The following PTPRN2 variants were observed in gnomAD, a reference collection of about 807,000 sequenced individuals.
PTPRN2 encodes protein tyrosine phosphatase receptor type N2.
Under a neutral mutation model 118.8 loss-of-function variants are expected in PTPRN2, and 74 were observed. That is an observed-to-expected ratio of 0.62 (90% CI 0.52 to 0.76). The LOEUF (loss-of-function observed/expected upper bound fraction) is 0.76, where lower values mean the gene tolerates loss of function less well. PTPRN2 is among the 30% of genes least tolerant of loss of function. PTPRN2 has a pLI of 0.00. For synonymous variants in PTPRN2, 641 were observed against 608.0 expected, an observed-to-expected ratio of 1.05 and a Z score of -0.80; for missense variants, 1,481 against 1,394.4, an observed-to-expected ratio of 1.06 and a Z score of -0.99.
intron 12 of PTPRN2, among the ~76,000 whole-genome samples, chr7:157,790,162 G>A (rs1224488054): frequency 2.1e-5 from 3 of 141,566 alleles, no homozygotes; most frequent in Non-Finnish European, 4.6e-5. Context: ...TGTGAATGTG[G>A]TGTGTGTGGT....
At chr7:157,844,731 G>A (rs539568630) in intron 12 of PTPRN2, among the ~76,000 whole-genome samples, 8 of 152,286 alleles carry the variant, frequency 5.3e-5, no homozygotes, top group Admixed American at 1.3e-4. Flanking sequence ...TCCCGGCAAC[G>A]TACCCGGCAC....
chr7:158,500,492 G>A (rs556872812), intron 1 of PTPRN2, among the ~76,000 whole-genome samples: 1 of 152,340 alleles, frequency 6.6e-6, no homozygotes, highest in East Asian at 1.9e-4. Context: ...GGCAGCTCTG[G>A]AGGGCACAGG....
intron 3 of PTPRN2, among the ~76,000 whole-genome samples, chr7:158,244,324 G>A (rs1031797040): frequency 2.0e-5 from 3 of 152,238 alleles, no homozygotes; most frequent in African/African-American, 7.2e-5. Context: ...AAGGTGAAAG[G>A]TCAAGGCAGT....
At chr7:158,429,137 C>A (rs993304915) in intron 2 of PTPRN2, among the ~76,000 whole-genome samples, 1 of 152,178 alleles carries the variant, frequency 6.6e-6, no homozygotes, top group African/African-American at 2.4e-5. Flanking sequence ...CGGATCCAAC[C>A]GATGTGTTTC....
chr7:158,109,758 CCT>C (rs1816055313), intron 10 of PTPRN2, among the ~76,000 whole-genome samples: 2 of 151,894 alleles, frequency 1.3e-5, no homozygotes, highest in African/African-American at 2.4e-5. Flanking sequence ...TGATATCACC[CCT>C]GTGTGAAGCG....
rs965818310 is a variant in PTPRN2 at position 157,609,616 on chromosome 7, C to G, written c.2345-5541G>C. Reference sequence around the variant, plus strand: ...CCACAGGGGAGCACAGGGTTTGACTCCCAGCCCCACTGCTTGCCAGCGGGC... The same window carrying G: ...CCACAGGGGAGCACAGGGTTTGACTGCCAGCCCCACTGCTTGCCAGCGGGC... On this transcript the variant is annotated intron_variant, in intron 15 of 22. Coordinates refer to ENST00000389418, the MANE Select transcript of PTPRN2 (RefSeq NM_002847.5). This position sits in a 1 kb window ranked among gnomAD's most constrained non-coding sequence, Gnocchi z 4.9. 2.6e-5 allele frequency among the ~76,000 whole-genome samples: 4 copies of G among 152,152 alleles called. No individual in the cohort carries two copies. Among genetic ancestry groups the G allele is most frequent in the Admixed American group, 6.5e-5 (1 of 15,280 alleles).
intron 1 of PTPRN2, among the ~76,000 whole-genome samples, chr7:158,549,197 T>C (rs184416428): frequency 6.6e-6 from 1 of 152,348 alleles, no homozygotes; most frequent in African/African-American, 2.4e-5. Context: ...TCAGGCTTTT[T>C]TTAATGAAAG....
At chr7:157,700,356 A>G (rs1004642452) in intron 12 of PTPRN2, among the ~76,000 whole-genome samples, 1 of 152,226 alleles carries the variant, frequency 6.6e-6, no homozygotes, top group Admixed American at 6.5e-5. Flanking sequence ...ACACTGCGGA[A>G]AAACCAGGCT....
At chr7:158,352,975 C>A (rs1808120797) in intron 2 of PTPRN2, among the ~76,000 whole-genome samples, 1 of 152,268 alleles carries the variant, frequency 6.6e-6, no homozygotes, top group South Asian at 2.1e-4. Flanking sequence ...GGCCAATAGG[C>A]CAGACACTCG....
rs370342148 is a variant in PTPRN2, at chr7:157,883,774, G to A, written c.1788+14899C>T. Among the ~76,000 whole-genome samples the A allele has an allele frequency of 1.2e-4, 16 of 130,818 alleles. No homozygotes were observed. In the South Asian group the frequency reaches 1.9e-3, roughly 15 times the overall value. The allele number at this position is 130,818 out of a possible 152,430, so 85.8% of individuals were successfully genotyped here. Reference sequence around the variant, plus strand: ...AAAAATGACTGTCAGAGATCGGAACGCACCACCCAAAAAATGACTGTCAGA... The same window carrying A: ...AAAAATGACTGTCAGAGATCGGAACACACCACCCAAAAAATGACTGTCAGA... On this transcript the variant is annotated intron_variant, in intron 12 of 22. Transcript: ENST00000389418.
At chr7:157,752,518 C>A (rs969471420) in intron 12 of PTPRN2, among the ~76,000 whole-genome samples, 7 of 152,200 alleles carry the variant, frequency 4.6e-5, no homozygotes, top group Non-Finnish European at 2.9e-5. Flanking sequence ...GTGCTGGCCT[C>A]AGGGTCAACG....
intron 12 of PTPRN2, among the ~76,000 whole-genome samples, chr7:157,870,472 C>T (rs1194662458): frequency 6.6e-6 from 1 of 152,184 alleles, no homozygotes; most frequent in Non-Finnish European, 1.5e-5. Context: ...TGTTTCACCA[C>T]AATTTTGATG....
In PTPRN2 at chr7:157,801,173, G is replaced by A. The variant is rs143253893; in HGVS notation, c.1788+97500C>T. 2.6e-4 allele frequency among the ~76,000 whole-genome samples: 40 copies of A among 151,996 alleles called. No homozygotes were observed. The highest frequency in any genetic ancestry group is 1.8e-3 in the Admixed American group (27 of 15,258). Reference sequence around the variant, plus strand: ...TGGTGCTTATGTGGTGTCACAATGCGTCTTGTGCCTCTCATCTGATTCCGC... The same window carrying A: ...TGGTGCTTATGTGGTGTCACAATGCATCTTGTGCCTCTCATCTGATTCCGC... On this transcript the variant is annotated intron_variant, in intron 12 of 22. Transcript: ENST00000389418. The surrounding 1 kb of genome is among the most constrained non-coding windows in gnomAD (Gnocchi z 4.2).
intron 3 of PTPRN2, among the ~76,000 whole-genome samples, chr7:158,243,323 T>A (rs914565302): frequency 6.6e-6 from 1 of 152,282 alleles, no homozygotes; most frequent in Admixed American, 6.5e-5. Flanking sequence ...GAGCAGACCA[T>A]TTCACTGCTT....
At chr7:158,156,673 A>T (rs1411459578) in intron 6 of PTPRN2, among the ~76,000 whole-genome samples, 1 of 152,236 alleles carries the variant, frequency 6.6e-6, no homozygotes, top group African/African-American at 2.4e-5. Flanking sequence ...TGGGGCTTCG[A>T]GCCCCCAGTT....
chr7:158,009,179 G>A (rs1805869655), intron 11 of PTPRN2, among the ~76,000 whole-genome samples: 3 of 152,058 alleles, frequency 2.0e-5, no homozygotes, highest in Admixed American at 2.0e-4. Context: ...TGCACAAGGC[G>A]ACGCTTCAGA....
At chr7:158,502,074 G>C (rs1329831578) in intron 1 of PTPRN2, among the ~76,000 whole-genome samples, 13 of 152,136 alleles carry the variant, frequency 8.5e-5, no homozygotes, top group Non-Finnish European at 2.9e-5. Flanking sequence ...CCTCTCCCTA[G>C]AGCTTGATTC....
intron 11 of PTPRN2, among the ~76,000 whole-genome samples, chr7:158,043,809 T>C (rs1211885100): frequency 6.6e-6 from 1 of 152,214 alleles, no homozygotes; most frequent in East Asian, 1.9e-4. Flanking sequence ...TCTTCAGAAA[T>C]GACACTTCAC....
chr7:157,740,301 A>G (rs73165811), intron 12 of PTPRN2: 2 of 151,884 alleles, frequency 1.3e-5, no homozygotes, highest in African/African-American at 4.8e-5. Context: ...AATGACCCAG[A>G]CTCAGAAAAG....
Sources: gnomAD v4.1 joint callset for allele counts (sites outside exome capture counted in the v4.1 genomes callset) on GRCh38, gnomAD v4.1.1 for gene constraint, Gnocchi (gnomAD v3.1) non-coding constraint, MANE v1.5 for transcripts, NCBI Gene and HGNC (gene_info 2026-07-23, HGNC 2026-07-21) for gene names.